Variants in SHANK2 observed in about 807,000 individuals in gnomAD.
SHANK2 encodes the protein SH3 and multiple ankyrin repeat domains protein 2.
A neutral mutation model predicts 133.7 loss-of-function variants in SHANK2; 43 were observed. That is an observed-to-expected ratio of 0.32 (90% CI 0.25 to 0.41). SHANK2 has a LOEUF of 0.41. SHANK2 is among the 10% of genes least tolerant of loss of function. The pLI is 1.00. For synonymous variants in SHANK2, 1,017 were observed against 952.8 expected (o/e 1.07, Z -1.24); for missense variants, 1,994 against 2,235.8 (o/e 0.89, Z 2.18).
intron 17 of SHANK2, among the ~76,000 whole-genome samples, chr11:70,649,597 G>T (rs1447085659): frequency 6.6e-6 from 1 of 152,122 alleles, no homozygotes; most frequent in Non-Finnish European, 1.5e-5. Flanking sequence ...GTACTAACAA[G>T]AGCCTGCTGA....
intron 10 of SHANK2, among the ~76,000 whole-genome samples, chr11:70,952,403 C>A (rs1950857595): frequency 6.6e-6 from 1 of 152,214 alleles, no homozygotes; most frequent in Non-Finnish European, 1.5e-5. Context: ...GCTGTGGAAA[C>A]CGTAGTCCTT....
At chr11:71,115,152 G>A (rs535909858) in intron 4 of SHANK2, among the ~76,000 whole-genome samples, 11 of 152,142 alleles carry the variant, frequency 7.2e-5, no homozygotes, top group Non-Finnish European at 1.2e-4. Context: ...GTCATGCAAA[G>A]GAGATTAATA....
intron 17 of SHANK2, among the ~76,000 whole-genome samples, chr11:70,548,157 G>A (rs113628275): frequency 1.6e-3 from 242 of 152,360 alleles, no homozygotes; most frequent in African/African-American, 5.7e-3. Context: ...GCCAGCATCC[G>A]GGTGGGCTGT....
At chr11:71,173,591 C>T (rs1565494941) in intron 2 of SHANK2, among the ~76,000 whole-genome samples, 1 of 152,204 alleles carries the variant, frequency 6.6e-6, no homozygotes, top group Non-Finnish European at 1.5e-5. Flanking sequence ...TTAACTTCTG[C>T]CCAAAGAGTC....
chr11:70,811,305 A>C (rs1555053150), intron 12 of SHANK2, among the ~76,000 whole-genome samples: 1 of 152,148 alleles, frequency 6.6e-6, no homozygotes, highest in Non-Finnish European at 1.5e-5. Flanking sequence ...AGAACTTAGG[A>C]ACCAAATGAG....
intron 10 of SHANK2, chr11:70,943,830 C>T (rs966694039): frequency 2.3e-6 from 1 of 437,242 alleles, no homozygotes; most frequent in Non-Finnish European, 4.6e-6. Flanking sequence ...CCTTCCTCAC[C>T]ACAGGGCCAA....
intron 10 of SHANK2, among the ~76,000 whole-genome samples, chr11:70,928,225 G>A (rs1950455696): frequency 6.6e-6 from 1 of 152,162 alleles, no homozygotes; most frequent in Admixed American, 6.5e-5. Context: ...CGTCGATGGA[G>A]ACCCCAGCCA....
rs2060016826 is a variant in SHANK2, at chr11:70,569,548, G to A, written c.2062-66617C>T. ...GCCGCTTCCCCATCTTACCTCTGCT[G>A]GTGCCGCAGCCCTCTCCTTTCTGTG... On this transcript the variant is annotated intron_variant, in intron 17 of 25. Coordinates refer to ENST00000601538, the MANE Select transcript of SHANK2 (RefSeq NM_012309.5). This position sits in a 1 kb window ranked among gnomAD's most constrained non-coding sequence, Gnocchi z 5.1. Among the ~76,000 whole-genome samples, 1 of 152,164 alleles carries A rather than the reference G, an allele frequency of 6.6e-6. No individual in the cohort carries two copies. The highest frequency in any genetic ancestry group is 2.1e-4 in the South Asian group (1 of 4,822).
rs371199728 is a variant in SHANK2 at position 70,791,849 on chromosome 11, GC to G, written c.1777+6593del. On this transcript the variant is annotated intron_variant, in intron 14 of 25. Coordinates refer to ENST00000601538, the MANE Select transcript of SHANK2 (RefSeq NM_012309.5). The stretch of plus-strand genomic sequence containing the variant: ...TGCTCCGACATGCTGAGATGGGGAT[GC>G]TCATGTGTACAATGCAGGTGATGAT... Among the ~76,000 whole-genome samples, 67 of 152,324 alleles carry G rather than the reference GC, an allele frequency of 4.4e-4. 2 individuals carry two copies. Among genetic ancestry groups the G allele is most frequent in the African/African-American group, 1.5e-3 (64 of 41,560 alleles).
chr11:71,099,390 T>C (rs1295544768), intron 6 of SHANK2, among the ~76,000 whole-genome samples: 2 of 152,208 alleles, frequency 1.3e-5, no homozygotes, highest in East Asian at 3.8e-4. Context: ...AAGATGCTGA[T>C]AAGGGGGGAA....
chr11:70,502,645 G>A (rs1013749265), intron 18 of SHANK2, 151 bp downstream of exon 18: 4 of 912,388 alleles, frequency 4.4e-6, no homozygotes, highest in African/African-American at 1.7e-5. Flanking sequence ...GGGCTCTGGC[G>A]GTAAATTCCA....
chr11:71,122,038 A>C (rs1399842182), intron 3 of SHANK2, among the ~76,000 whole-genome samples: 1 of 152,226 alleles, frequency 6.6e-6, no homozygotes, highest in Non-Finnish European at 1.5e-5. Flanking sequence ...ATGCTTTTAC[A>C]CTGTTGGTAG....
rs142807446 is a variant in SHANK2, at chr11:71,197,248, C to A, written c.-13+27449G>T. On this transcript the variant is annotated intron_variant, in intron 2 of 25. Transcript: ENST00000601538. ...AAACCATTTCTTCATTTCCTTCCCC[C>A]CAGTGTCCGGCCTGAGCACATGGCT... Among the ~76,000 whole-genome samples the A allele has an allele frequency of 4.1e-3, 621 of 152,204 alleles. 5 individuals are homozygous for A. The highest frequency in any genetic ancestry group is 0.016 in the East Asian group (81 of 5,160).
chr11:70,615,558 G>A (rs1462402921), intron 17 of SHANK2, among the ~76,000 whole-genome samples: 2 of 152,178 alleles, frequency 1.3e-5, no homozygotes, highest in African/African-American at 4.8e-5. Context: ...AGCACATGCA[G>A]TCAAGACTCC....
At chr11:70,836,466 G>T (rs1483121030) in intron 11 of SHANK2, among the ~76,000 whole-genome samples, 1 of 152,206 alleles carries the variant, frequency 6.6e-6, no homozygotes, top group Non-Finnish European at 1.5e-5. Flanking sequence ...AGGTATGGAG[G>T]GAAAGGACTT....
At chr11:70,797,978 A>G (rs903003013) in intron 14 of SHANK2, among the ~76,000 whole-genome samples, 2 of 152,122 alleles carry the variant, frequency 1.3e-5, no homozygotes, top group Admixed American at 6.5e-5. Context: ...TGGAGGTTCT[A>G]AGAGAGATGC....
At chr11:70,592,477 C>A (rs2060337624) in intron 17 of SHANK2, among the ~76,000 whole-genome samples, 1 of 149,192 alleles carries the variant, frequency 6.7e-6, no homozygotes, top group East Asian at 1.9e-4. Flanking sequence ...CAGCACACAC[C>A]CAGCTCTGCA....
At chr11:71,109,844 G>T (rs559541283) in intron 6 of SHANK2, 97 bp downstream of exon 6, 13 of 758,770 alleles carry the variant, frequency 1.7e-5, no homozygotes, top group Non-Finnish European at 2.5e-5. Flanking sequence ...CCAAGTAAAA[G>T]GTAACTGCAG....
chr11:71,167,495 A>G (rs1953184570), intron 2 of SHANK2, among the ~76,000 whole-genome samples: 1 of 132,550 alleles, frequency 7.5e-6, no homozygotes, highest in African/African-American at 3.0e-5. Flanking sequence ...GCGGCCGGGC[A>G]GAGGCGCCCC....
Sources: allele counts gnomAD v4.1 joint callset (sites outside exome capture counted in the v4.1 genomes callset), GRCh38; gene constraint gnomAD v4.1.1; non-coding constraint Gnocchi (gnomAD v3.1); transcripts MANE v1.5; gene names NCBI Gene and HGNC (gene_info 2026-07-23, HGNC 2026-07-21).